Variants in CBL observed in about 807,000 individuals in gnomAD.
CBL encodes the protein E3 ubiquitin-protein ligase CBL.
CBL carries 45 observed loss-of-function variants against 96.9 expected under a neutral mutation model. That is an observed-to-expected ratio of 0.46 (90% CI 0.37 to 0.60). The LOEUF (loss-of-function observed/expected upper bound fraction) is 0.60, where lower values mean the gene tolerates loss of function less well. Ranked by LOEUF, CBL falls within the 20% of genes least tolerant of loss-of-function variation. The pLI is 0.00. For missense variants in CBL, 1,024 were observed against 1,143.5 expected (o/e 0.90, Z 1.51); for synonymous variants, 420 against 426.8 (o/e 0.98, Z 0.20).
intron 1 of CBL, among the ~76,000 whole-genome samples, chr11:119,232,200 G>GT (rs2135265869): frequency 6.6e-6 from 1 of 152,242 alleles, no homozygotes; most frequent in East Asian, 1.9e-4. Flanking sequence ...TCCCCTAGTT[G>GT]TTTGTTCTGT....
chr11:119,253,665 T>TTAATAA (rs545926429), intron 2 of CBL, among the ~76,000 whole-genome samples: 35 of 146,470 alleles, frequency 2.4e-4, no homozygotes, highest in African/African-American at 6.6e-4. Context: ...AAACTCTGTC[T>TTAATAA]TAATAATAAT....
At chr11:119,269,857 C>T (rs1338528607) in intron 2 of CBL, among the ~76,000 whole-genome samples, 1 of 151,984 alleles carries the variant, frequency 6.6e-6, no homozygotes, top group African/African-American at 2.4e-5. Flanking sequence ...ATTAGCTGGG[C>T]ATGGTGGCGG....
chr11:119,251,657 G>T (rs1949670516), intron 2 of CBL, among the ~76,000 whole-genome samples: 1 of 152,150 alleles, frequency 6.6e-6, no homozygotes, highest in Non-Finnish European at 1.5e-5. Context: ...TTTCACTCCT[G>T]AAATTTCTAA....
At chr11:119,284,932 A>T in intron 9 of CBL, 37 bp from the exon 10 acceptor site, 1 of 1,612,850 alleles carries the variant, frequency 6.2e-7, no homozygotes, top group Middle Eastern at 1.8e-4. Flanking sequence ...CATTTCCCCA[A>T]ACGAAAGTAA....
intron 2 of CBL, among the ~76,000 whole-genome samples, chr11:119,258,656 C>G (rs1387475796): frequency 1.3e-5 from 2 of 152,116 alleles, no homozygotes; most frequent in African/African-American, 2.4e-5. Context: ...TATACCTGTA[C>G]CATACTGTTT....
At chr11:119,208,126 G>C (rs1949288802) in intron 1 of CBL, among the ~76,000 whole-genome samples, 1 of 152,064 alleles carries the variant, frequency 6.6e-6, no homozygotes, top group Non-Finnish European at 1.5e-5. Context: ...AATCCTTACA[G>C]AAAGTTTAGG....
chr11:119,237,145 A>G (rs1415112523), intron 2 of CBL, among the ~76,000 whole-genome samples: 1 of 152,212 alleles, frequency 6.6e-6, no homozygotes, highest in Non-Finnish European at 1.5e-5. Context: ...AACATAATAT[A>G]CACAGGGTTC....
At position 119,232,522 on chromosome 11, in the gene CBL, T is replaced by C. The variant is rs1371454267; in HGVS notation, c.270T>C (p.Asp90=). The C allele has an allele frequency of 6.2e-7, 1 of 1,614,106 alleles. No individual in the cohort carries two copies. Among genetic ancestry groups the C allele is most frequent in the Admixed American group, 1.7e-5 (1 of 60,026 alleles). Residue 90 remains aspartate (D), a synonymous_variant, in exon 2 of 16, where the codon GAT becomes GAC. Transcript: ENST00000264033. The part of the protein sequence containing the change: ...SPPYILDLLP[D]TYQHLRTILS... ...CTTATATCTTAGACCTGCTACCAGA[T>C]ACCTACCAGCATCTCCGTACTATCT...
At chr11:119,239,180 A>G (rs1949566974) in intron 2 of CBL, among the ~76,000 whole-genome samples, 2 of 152,094 alleles carry the variant, frequency 1.3e-5, no homozygotes, top group African/African-American at 2.4e-5. Context: ...CGTGTTGCCC[A>G]TGCCGGTCTC....
chr11:119,299,703 C>T lies in CBL; in HGVS notation c.2643C>T (p.Ala881=). Residue 881 remains alanine, a synonymous_variant, in exon 16 of 16, where the codon GCC becomes GCT. Coordinates refer to ENST00000264033, the MANE Select transcript of CBL (RefSeq NM_005188.4). ...ACATCCAGAAAGCTTTGGTCATTGC[C>T]CAGAACAACATCGAGATGGCCAAAA... is the stretch of plus-strand genomic sequence containing the variant. The part of the protein sequence containing the change: ...YQDIQKALVI[A]QNNIEMAKNI... The T allele has an allele frequency of 6.2e-7, 1 of 1,614,146 alleles. No homozygotes were observed. The highest frequency in any genetic ancestry group is 8.5e-7 in the Non-Finnish European group (1 of 1,180,024).
chr11:119,268,759 C>A (rs1010444391), intron 2 of CBL, among the ~76,000 whole-genome samples: 1 of 152,118 alleles, frequency 6.6e-6, no homozygotes, highest in African/African-American at 2.4e-5. Context: ...GTAGGAGAAC[C>A]AAGAGAAGAC....
At chr11:119,226,684 C>G (rs1000259142) in intron 1 of CBL, among the ~76,000 whole-genome samples, 1 of 152,092 alleles carries the variant, frequency 6.6e-6, no homozygotes, top group African/African-American at 2.4e-5. Flanking sequence ...TCTTGAACTC[C>G]TGACCTCAAG....
rs1432279383 is a variant in CBL, at chr11:119,305,111, T to C, written c.*5330T>C. Reference sequence around the variant, plus strand: ...CCTAAAAAGGCTTCTACTCAAGAAGTAAAGCCACTACTCCTGCCTTTTTGC... The same window carrying C: ...CCTAAAAAGGCTTCTACTCAAGAAGCAAAGCCACTACTCCTGCCTTTTTGC... On this transcript the variant is annotated 3_prime_UTR_variant, in exon 16 of 16. Transcript: ENST00000264033. 3 of 221,632 alleles carry C rather than the reference T, an allele frequency of 1.4e-5. No homozygotes were observed. The highest frequency in any genetic ancestry group is 6.7e-5 in the African/African-American group (3 of 44,742). 13.7% of individuals were successfully genotyped at this position (221,632 alleles called of 1,614,324 possible). A position where few individuals can be genotyped will look rare whatever the true frequency, so the allele number is the denominator to read the frequency against.
Position 119,206,407 on chromosome 11 carries a change from C to T in CBL, c.-11C>T, listed in dbSNP as rs1282376659. 26 of 1,542,036 alleles carry T rather than the reference C, an allele frequency of 1.7e-5. No individual in the cohort carries two copies. Among genetic ancestry groups the T allele is most frequent in the African/African-American group, 4.1e-5 (3 of 72,700 alleles). On this transcript the variant is annotated 5_prime_UTR_variant, in exon 1 of 16. Transcript: ENST00000264033. ...CGGCGGACCCGCCTGGGCTCCGACCCTGCCCAGGCCATGGCCGGCAACGTG... is the reference window on the plus strand; with the variant it reads ...CGGCGGACCCGCCTGGGCTCCGACCTTGCCCAGGCCATGGCCGGCAACGTG...
intron 1 of CBL, among the ~76,000 whole-genome samples, chr11:119,228,785 C>G (rs896835951): frequency 1.3e-5 from 2 of 151,030 alleles, no homozygotes; most frequent in South Asian, 2.1e-4. Context: ...CACCACCACT[C>G]CTAGCTAATT....
intron 12 of CBL, among the ~76,000 whole-genome samples, chr11:119,291,204 C>T (rs763424656): frequency 6.6e-6 from 1 of 152,120 alleles, no homozygotes; most frequent in Non-Finnish European, 1.5e-5. Context: ...TGAGACCAGT[C>T]TGGGCAACAT....
Position 119,285,527 on chromosome 11 carries a change from G to T in CBL, c.1902G>T (p.Val634=). 6.2e-7 allele frequency: 1 copy of T among 1,614,126 alleles called. No homozygotes were observed. The highest frequency in any genetic ancestry group is 8.5e-7 in the Non-Finnish European group (1 of 1,180,036). The part of the protein sequence containing the change: ...LPSQMEPRPD[V]PRLGSTFSLD... Reference sequence around the variant, plus strand: ...CACAAATGGAGCCCAGACCAGATGTGCCTAGGCTCGGAAGCACGTTCAGTC... The same window carrying T: ...CACAAATGGAGCCCAGACCAGATGTTCCTAGGCTCGGAAGCACGTTCAGTC... Residue 634 remains valine, a synonymous_variant, in exon 11 of 16, where the codon GTG becomes GTT. Transcript: ENST00000264033.
intron 9 of CBL, among the ~76,000 whole-genome samples, chr11:119,279,274 T>C (rs910274667): frequency 2.0e-5 from 3 of 152,096 alleles, no homozygotes; most frequent in East Asian, 1.9e-4. Context: ...ACGTTGAGGC[T>C]GGAGGATCAG....
chr11:119,286,934 G>A (rs970776189), intron 11 of CBL, among the ~76,000 whole-genome samples: 5 of 152,144 alleles, frequency 3.3e-5, no homozygotes, highest in African/African-American at 9.7e-5. Flanking sequence ...CCAAAGAAGG[G>A]TATAGAGAAA....
Sources: allele counts gnomAD v4.1 joint callset (sites outside exome capture counted in the v4.1 genomes callset), GRCh38; gene constraint gnomAD v4.1.1; transcripts MANE v1.5; gene names NCBI Gene and HGNC (gene_info 2026-07-23, HGNC 2026-07-21).